Variants in LHPP observed in about 807,000 individuals in gnomAD.
LHPP encodes the protein hLHPP.
Under a neutral mutation model 30.3 loss-of-function variants are expected in LHPP, and 24 were observed. The observed-to-expected ratio is 0.79, with a 90% CI of 0.57 to 1.11. The LOEUF (loss-of-function observed/expected upper bound fraction) is 1.11, where lower values mean the gene tolerates loss of function less well. Ranked by LOEUF, LHPP falls within the 50% of genes most tolerant of loss-of-function variation. The probability of loss-of-function intolerance (pLI) is 0.00; values close to 1 mark genes in which losing one functional copy is unlikely to be tolerated. For missense variants in LHPP, 356 were observed against 367.2 expected, an observed-to-expected ratio of 0.97 and a Z score of 0.25; for synonymous variants, 150 against 157.1, an observed-to-expected ratio of 0.95 and a Z score of 0.34.
intron 6 of LHPP, among the ~76,000 whole-genome samples, chr10:124,584,777 ATCT>A (rs1306078413): frequency 6.6e-6 from 1 of 152,096 alleles, no homozygotes; most frequent in Non-Finnish European, 1.5e-5. Flanking sequence ...GTTTATTTAG[ATCT>A]TCTTTAATTT....
At chr10:124,482,806 G>T (rs1953182079) in intron 1 of LHPP, among the ~76,000 whole-genome samples, 1 of 152,142 alleles carries the variant, frequency 6.6e-6, no homozygotes, top group Non-Finnish European at 1.5e-5. Flanking sequence ...CCCTCTGTCT[G>T]CTCACCCTGT....
At position 124,489,000 on chromosome 10, in the gene LHPP, A is replaced by T. The variant is rs554167655; in HGVS notation, c.467+425A>T. On this transcript the variant is annotated intron_variant, in intron 3 of 6. Transcript: ENST00000368842. ...AAAACATAGGCTTGAGGGCCTACCC[A>T]GTCTGGGCACCGACAGTCTCTGGCC... Among the ~76,000 whole-genome samples, 10 of 152,308 alleles carry T rather than the reference A, an allele frequency of 6.6e-5. No individual in the cohort carries two copies. The South Asian group carries it at 2.1e-3, about 32-fold the overall frequency.
intron 5 of LHPP, among the ~76,000 whole-genome samples, chr10:124,515,130 G>C (rs1323164540): frequency 1.3e-5 from 2 of 152,160 alleles, no homozygotes; most frequent in Non-Finnish European, 2.9e-5. Flanking sequence ...CTCTAATTGC[G>C]TGTACATCAG....
At chr10:124,552,050 T>A (rs1948178285) in intron 6 of LHPP, among the ~76,000 whole-genome samples, 1 of 152,018 alleles carries the variant, frequency 6.6e-6, no homozygotes, top group Admixed American at 6.5e-5. Flanking sequence ...TTCGTGGGAC[T>A]TCCCAGTGCC....
chr10:124,540,880 T>C (rs1185647880), intron 6 of LHPP, among the ~76,000 whole-genome samples: 1 of 152,186 alleles, frequency 6.6e-6, no homozygotes, highest in Non-Finnish European at 1.5e-5. Flanking sequence ...CTCACTTCTT[T>C]AGCAGGTTCT....
At chr10:124,587,410 T>C (rs72837402) in intron 6 of LHPP, among the ~76,000 whole-genome samples, 6,066 of 151,926 alleles carry the variant, frequency 0.04, 155 homozygotes, top group East Asian at 0.13. Flanking sequence ...CACTTCTACC[T>C]TCATGGTCTT....
intron 6 of LHPP, among the ~76,000 whole-genome samples, chr10:124,611,161 A>G (rs908394936): frequency 1.3e-5 from 2 of 151,622 alleles, no homozygotes; most frequent in African/African-American, 2.4e-5. Context: ...AGCGATCCCC[A>G]CTGGTACTGG....
At chr10:124,521,172 T>A (rs540445326) in intron 6 of LHPP, among the ~76,000 whole-genome samples, 16 of 152,296 alleles carry the variant, frequency 1.1e-4, no homozygotes, top group African/African-American at 3.8e-4. Flanking sequence ...GAGGGCTGTT[T>A]TGGGACTGGA....
At chr10:124,467,710 T>TTTGTTGTTGTTGTTGTTG (rs10691946) in intron 1 of LHPP, among the ~76,000 whole-genome samples, 5 of 148,928 alleles carry the variant, frequency 3.4e-5, no homozygotes, top group African/African-American at 1.0e-4. Context: ...GTGTGTGTTT[T>TTTGTTGTTGTTGTTGTTG]TTGTTGTTGT....
At chr10:124,582,853 A>G (rs894166732) in intron 6 of LHPP, among the ~76,000 whole-genome samples, 5 of 152,180 alleles carry the variant, frequency 3.3e-5, no homozygotes, top group African/African-American at 7.2e-5. Flanking sequence ...CAAAAAAAAA[A>G]AAGAAGAAGA....
At chr10:124,525,739 C>G (rs999442925) in intron 6 of LHPP, among the ~76,000 whole-genome samples, 4 of 152,226 alleles carry the variant, frequency 2.6e-5, no homozygotes, top group African/African-American at 9.7e-5. Context: ...CTTCTGTTGG[C>G]TGCTGGGGCA....
intron 3 of LHPP, chr10:124,490,513 T>C: frequency 2.8e-6 from 1 of 362,514 alleles, no homozygotes; most frequent in Non-Finnish European, 5.6e-6. Flanking sequence ...TCTTCTTGGC[T>C]ACCGTGACTC....
In LHPP at chr10:124,530,573, C is replaced by T. The variant is rs190658878; in HGVS notation, c.716+13302C>T. ...ACATATACATACACTCACGCCCAGA[C>T]CCCCCCACGCCCCAGGCCACACATG... On this transcript the variant is annotated intron_variant, in intron 6 of 6. Coordinates refer to ENST00000368842, the MANE Select transcript of LHPP (RefSeq NM_022126.4). Among the ~76,000 whole-genome samples the T allele has an allele frequency of 6.1e-3, 935 of 152,084 alleles. 5 individuals are homozygous for T. The highest frequency in any genetic ancestry group is 9.9e-3 in the Non-Finnish European group (673 of 67,962).
chr10:124,490,396 C>A, intron 3 of LHPP: 1 of 331,122 alleles, frequency 3.0e-6, no homozygotes, highest in Non-Finnish European at 6.4e-6. Flanking sequence ...TGTCTCCAGG[C>A]AAACTCCTTC....
chr10:124,601,736 G>C (rs543792389), intron 6 of LHPP, among the ~76,000 whole-genome samples: 1 of 152,362 alleles, frequency 6.6e-6, no homozygotes, highest in Admixed American at 6.5e-5. Flanking sequence ...ACTGGTGGGT[G>C]CCAAGGTTCA....
chr10:124,559,634 G>A (rs1193885662), intron 6 of LHPP, among the ~76,000 whole-genome samples: 1 of 152,286 alleles, frequency 6.6e-6, no homozygotes, highest in African/African-American at 2.4e-5. Flanking sequence ...GCTGCCCGAG[G>A]CTGGAAGCCG....
At chr10:124,483,182 G>A (rs1283934693) in intron 1 of LHPP, among the ~76,000 whole-genome samples, 3 of 152,192 alleles carry the variant, frequency 2.0e-5, no homozygotes, top group South Asian at 2.1e-4. Flanking sequence ...CAGGGTCCAC[G>A]TCCTGTCTGT....
chr10:124,612,236 T>C (rs1949211692), intron 6 of LHPP, among the ~76,000 whole-genome samples: 1 of 151,954 alleles, frequency 6.6e-6, no homozygotes, highest in South Asian at 2.1e-4. Context: ...AAACCCTATC[T>C]CTACACTAAA....
At chr10:124,525,282 G>T (rs1954704803) in intron 6 of LHPP, among the ~76,000 whole-genome samples, 1 of 152,242 alleles carries the variant, frequency 6.6e-6, no homozygotes, top group African/African-American at 2.4e-5. Flanking sequence ...CTGGCTGCCA[G>T]GAATGTTCTG....
Sources: gnomAD v4.1 joint callset for allele counts (sites outside exome capture counted in the v4.1 genomes callset) on GRCh38, gnomAD v4.1.1 for gene constraint, MANE v1.5 for transcripts, NCBI Gene and HGNC (gene_info 2026-07-23, HGNC 2026-07-21) for gene names.